Variants in CARD8 observed in about 807,000 individuals in gnomAD.
CARD8 encodes caspase recruitment domain-containing protein 8.
A neutral mutation model predicts 53.2 loss-of-function variants in CARD8; 38 were observed. That is an observed-to-expected ratio of 0.71 (90% CI 0.55 to 0.94). The LOEUF is 0.94. CARD8 is among the 40% of genes least tolerant of loss of function. The pLI is 0.00. For synonymous variants in CARD8, 245 were observed against 244.9 expected, an observed-to-expected ratio of 1.00 and a Z score of 0.00; for missense variants, 561 against 655.5, an observed-to-expected ratio of 0.86 and a Z score of 1.57.
intron 1 of CARD8, among the ~76,000 whole-genome samples, chr19:48,254,616 G>A (rs2147209750): frequency 6.6e-6 from 1 of 151,974 alleles, no homozygotes; most frequent in South Asian, 2.1e-4. Context: ...AGCTGGGTGT[G>A]GTGGTGGGCA....
chr19:48,213,801 T>C (rs1167504281), intron 13 of CARD8, among the ~76,000 whole-genome samples: 2 of 152,230 alleles, frequency 1.3e-5, no homozygotes, highest in African/African-American at 4.8e-5. Flanking sequence ...CCACTTCCTA[T>C]TCATTCCCAA....
intron 13 of CARD8, chr19:48,212,836 A>C (rs1393605451): frequency 2.0e-5 from 3 of 152,214 alleles, no homozygotes; most frequent in Non-Finnish European, 2.9e-5. Context: ...TCCTTAGCTG[A>C]TCCTCATTGC....
chr19:48,245,194 C>A (rs1308541133), intron 3 of CARD8, among the ~76,000 whole-genome samples: 1 of 152,036 alleles, frequency 6.6e-6, no homozygotes, highest in African/African-American at 2.4e-5. Context: ...TAAGATAAAC[C>A]AGTAAGTTAG....
intron 12 of CARD8, 149 bp from the exon 13 acceptor site, chr19:48,215,533 C>A (rs1384436554): frequency 1.7e-6 from 1 of 583,516 alleles, no homozygotes. Context: ...ACTGAGGAAA[C>A]CCCATTAAGT....
chr19:48,206,660 A>C (rs536627050), downstream of CARD8: 1 of 373,816 alleles, frequency 2.7e-6, no homozygotes, highest in South Asian at 2.0e-5. Flanking sequence ...GAAAACTCTA[A>C]AGAGCACTGC....
downstream of CARD8, among the ~76,000 whole-genome samples, chr19:48,205,600 G>T (rs1010109974): frequency 6.6e-6 from 1 of 152,168 alleles, no homozygotes; most frequent in East Asian, 1.9e-4. Flanking sequence ...CATGAGTGCT[G>T]TTGAGGCATC....
chr19:48,221,008 A>AAGAG lies in CARD8; in HGVS notation c.1161+721_1161+722insCTCT, dbSNP rs1555806505. Reference sequence around the variant, plus strand: ...AAGGAAGGAAGGAAAGAAAGAAAGAAAAAGAAAGAAAGAAAGAGAGAAAGA... The same window carrying AAGAG: ...AAGGAAGGAAGGAAAGAAAGAAAGAAAGAGAAAGAAAGAAAGAAAGAGAGAAAGA... On this transcript the variant is annotated intron_variant, in intron 11 of 13. Coordinates refer to ENST00000651546, the MANE Select transcript of CARD8 (RefSeq NM_001184900.3). Among the ~76,000 whole-genome samples the AAGAG allele has an allele frequency of 3.8e-4, 47 of 122,104 alleles. 1 individual carries two copies. Among genetic ancestry groups the AAGAG allele is most frequent in the Admixed American group, 2.4e-3 (27 of 11,420 alleles). 80.1% of individuals were successfully genotyped at this position (122,104 alleles called of 152,430 possible).
rs772686057 is a variant in CARD8, at chr19:48,232,683, T to A, written c.351-190A>T. 3.9e-5 allele frequency: 27 copies of A among 688,736 alleles called. No homozygotes were observed. In the Admixed American group the frequency reaches 5.5e-4, roughly 14 times the overall value. The allele number at this position is 688,736 out of a possible 1,614,324, so 42.7% of individuals were successfully genotyped here. Reference sequence around the variant, plus strand: ...AGTTTCTCAGTTGCACTATCCATATTTCAAGTGCTCAACAGCTACATATCA... The same window carrying A: ...AGTTTCTCAGTTGCACTATCCATATATCAAGTGCTCAACAGCTACATATCA... On this transcript the variant is annotated intron_variant, in intron 6 of 13. Coordinates refer to ENST00000651546, the MANE Select transcript of CARD8 (RefSeq NM_001184900.3).
At chr19:48,254,067 GCACA>G (rs1255900689) in intron 1 of CARD8, among the ~76,000 whole-genome samples, 4 of 152,148 alleles carry the variant, frequency 2.6e-5, no homozygotes, top group Non-Finnish European at 5.9e-5. Flanking sequence ...AGAGTTTAAT[GCACA>G]GATTAAGTTA....
In CARD8 at chr19:48,232,445, C is replaced by T. The variant is rs1403077162; in HGVS notation, c.391+8G>A. ...CGCCCTTCACTCCTCTCCCTATTAG[C>T]CCATTACCTGAATCTTGTCCCTCTG... On this transcript the variant is annotated splice_region_variant and intron_variant, in intron 7 of 13. Coordinates refer to ENST00000651546, the MANE Select transcript of CARD8 (RefSeq NM_001184900.3). 6.5e-7 allele frequency: 1 copy of T among 1,534,808 alleles called. No homozygotes were observed.
chr19:48,206,527 T>C (rs1289639641), downstream of CARD8: 2 of 460,884 alleles, frequency 4.3e-6, no homozygotes, highest in Non-Finnish European at 8.8e-6. Context: ...ACTCCTGTGA[T>C]AACAAGACAG....
intron 3 of CARD8, among the ~76,000 whole-genome samples, chr19:48,244,004 A>G (rs200580841): frequency 0.018 from 2,409 of 134,504 alleles, no homozygotes; most frequent in East Asian, 0.036. Context: ...CTTTAGTTAC[A>G]CCTGTATTAG....
chr19:48,241,143 G>GT (rs2044955421), intron 3 of CARD8, 80 bp from the exon 4 acceptor site: 1 of 771,420 alleles, frequency 1.3e-6, no homozygotes, highest in African/African-American at 1.7e-5. Context: ...TCTCTCAAAG[G>GT]TTGACAAAAG....
At chr19:48,246,352 G>A (rs1466985217) in intron 3 of CARD8, among the ~76,000 whole-genome samples, 1 of 152,160 alleles carries the variant, frequency 6.6e-6, no homozygotes, top group Admixed American at 6.5e-5. Context: ...AGCCCTGGAA[G>A]TAACCACTTC....
chr19:48,214,532 G>C lies in CARD8; in HGVS notation c.1348+808C>G, dbSNP rs138482176. 1.7e-3 allele frequency among the ~76,000 whole-genome samples: 256 copies of C among 152,174 alleles called. 1 individual carries two copies. Among genetic ancestry groups the C allele is most frequent in the African/African-American group, 5.8e-3 (241 of 41,504 alleles). ...GGAAGAATGCCTCAAGTGAGCATGC[G>C]TATGACTCCAAGAAACACACTGCGC... is the stretch of plus-strand genomic sequence containing the variant. On this transcript the variant is annotated intron_variant, in intron 13 of 13. Coordinates refer to ENST00000651546, the MANE Select transcript of CARD8 (RefSeq NM_001184900.3).
Position 48,211,010 on chromosome 19 carries a change from T to C in CARD8, c.*700A>G, listed in dbSNP as rs1056185091. On this transcript the variant is annotated 3_prime_UTR_variant, in exon 14 of 14. Transcript: ENST00000651546. ...CCTCATTTTCTTTTTGGTGGTTCTG[T>C]GGAGTTGATTTACCACATTTCATCT... 3 of 152,372 alleles carry C rather than the reference T, an allele frequency of 2.0e-5. No homozygotes were observed. The highest frequency in any genetic ancestry group is 7.2e-5 in the African/African-American group (3 of 41,454). The allele number at this position is 152,372 out of a possible 1,614,324, so 9.4% of individuals were successfully genotyped here.
intron 3 of CARD8, 108 bp from the exon 4 acceptor site, chr19:48,241,171 CAA>C (rs1255884552): frequency 6.3e-6 from 4 of 639,476 alleles, no homozygotes; most frequent in Non-Finnish European, 1.1e-5. Context: ...TGCTCATTCA[CAA>C]GAGATGCATC....
chr19:48,232,341 G>A (rs1180651119), intron 7 of CARD8, 112 bp downstream of exon 7: 1 of 997,966 alleles, frequency 1.0e-6, no homozygotes, highest in African/African-American at 1.6e-5. Context: ...AAAGGTAAGG[G>A]AAAGCACTCC....
intron 10 of CARD8, among the ~76,000 whole-genome samples, chr19:48,227,955 G>T (rs2042121821): frequency 6.6e-6 from 1 of 152,154 alleles, no homozygotes; most frequent in South Asian, 2.1e-4. Context: ...AGCAGGAGAG[G>T]AGCAGTGAGG....
Sources: allele counts gnomAD v4.1 joint callset (sites outside exome capture counted in the v4.1 genomes callset), GRCh38; gene constraint gnomAD v4.1.1; transcripts MANE v1.5; gene names NCBI Gene and HGNC (gene_info 2026-07-23, HGNC 2026-07-21).